Variants in NAALADL2 observed in about 807,000 individuals in gnomAD.
NAALADL2 encodes the protein inactive N-acetylated-alpha-linked acidic dipeptidase-like protein 2.
Under a neutral mutation model 87.2 loss-of-function variants are expected in NAALADL2, and 76 were observed. That is an observed-to-expected ratio of 0.87 (90% CI 0.72 to 1.05). The LOEUF is 1.05. Ranked by LOEUF, NAALADL2 falls within the 50% of genes least tolerant of loss-of-function variation. The probability of loss-of-function intolerance (pLI) is 0.00; values close to 1 mark genes in which losing one functional copy is unlikely to be tolerated. For missense variants in NAALADL2, 1,089 were observed against 945.8 expected (o/e 1.15, Z -1.99); for synonymous variants, 354 against 331.0 (o/e 1.07, Z -0.75).
chr3:175,462,480 A>G (rs10460884), intron 6 of NAALADL2, among the ~76,000 whole-genome samples: 3,922 of 152,250 alleles, frequency 0.026, 81 homozygotes, highest in East Asian at 0.1. Flanking sequence ...TATTATTACA[A>G]TTTCTATCTA....
chr3:174,851,954 T>G (rs571386663), intron 3 of NAALADL2, among the ~76,000 whole-genome samples: 7 of 152,202 alleles, frequency 4.6e-5, no homozygotes, highest in Non-Finnish European at 7.4e-5. Flanking sequence ...ATACATTACT[T>G]TAACAGAATG....
intron 11 of NAALADL2, among the ~76,000 whole-genome samples, chr3:175,685,150 T>C (rs1195717772): frequency 6.6e-6 from 1 of 152,146 alleles, no homozygotes; most frequent in African/African-American, 2.4e-5. Flanking sequence ...ATCCCTCCCA[T>C]AGCTCTGAAG....
At chr3:175,558,476 A>G (rs1462486159) in intron 9 of NAALADL2, among the ~76,000 whole-genome samples, 1 of 151,990 alleles carries the variant, frequency 6.6e-6, no homozygotes, top group Admixed American at 6.6e-5. Flanking sequence ...CTTGTGGTGT[A>G]TTACTCAAGA....
intron 4 of NAALADL2, among the ~76,000 whole-genome samples, chr3:175,299,969 A>G (rs899413669): frequency 2.6e-5 from 4 of 152,154 alleles, no homozygotes; most frequent in African/African-American, 9.7e-5. Flanking sequence ...CCATCAATAC[A>G]TAGTTTAATG....
At chr3:175,723,023 G>A (rs1742448818) in intron 11 of NAALADL2, among the ~76,000 whole-genome samples, 1 of 152,048 alleles carries the variant, frequency 6.6e-6, no homozygotes. Flanking sequence ...GAAGTTTGTG[G>A]GTAGGTGTCC....
intron 5 of NAALADL2, among the ~76,000 whole-genome samples, chr3:175,398,098 T>G (rs889474437): frequency 2.0e-5 from 3 of 152,126 alleles, no homozygotes; most frequent in Non-Finnish European, 4.4e-5. Context: ...AGTGAGAAAG[T>G]TTCTGTTCAT....
At chr3:175,312,561 C>T (rs1202009238) in intron 4 of NAALADL2, among the ~76,000 whole-genome samples, 1 of 151,968 alleles carries the variant, frequency 6.6e-6, no homozygotes, top group Non-Finnish European at 1.5e-5. Flanking sequence ...TATAAATTCA[C>T]CCTTTAGCCA....
chr3:175,174,536 A>C (rs1231354296), intron 2 of NAALADL2, among the ~76,000 whole-genome samples: 3 of 152,088 alleles, frequency 2.0e-5, no homozygotes. Flanking sequence ...ATAAAAAGAA[A>C]TTTTCTTGTA....
intron 3 of NAALADL2, among the ~76,000 whole-genome samples, chr3:175,256,084 T>C (rs988320162): frequency 6.6e-6 from 1 of 152,232 alleles, no homozygotes; most frequent in African/African-American, 2.4e-5. Flanking sequence ...TTTCAATGTT[T>C]TGTAAAATGG....
At chr3:174,656,974 G>A (rs1725004731) in intron 2 of NAALADL2, among the ~76,000 whole-genome samples, 1 of 150,624 alleles carries the variant, frequency 6.6e-6, no homozygotes, top group African/African-American at 2.4e-5. Flanking sequence ...AGAGATAAGG[G>A]CTTCCCTTCT....
At chr3:175,510,469 C>A (rs1333064326) in intron 9 of NAALADL2, among the ~76,000 whole-genome samples, 4 of 152,122 alleles carry the variant, frequency 2.6e-5, no homozygotes, top group Non-Finnish European at 5.9e-5. Flanking sequence ...AGCAATGACA[C>A]CATGATTAGA....
At chr3:175,235,497 A>G (rs901686338) in intron 3 of NAALADL2, 1 of 152,230 alleles carries the variant, frequency 6.6e-6, no homozygotes, top group Non-Finnish European at 1.5e-5. Flanking sequence ...GGCAGGTAAT[A>G]ATGGTAACAC....
intron 2 of NAALADL2, among the ~76,000 whole-genome samples, chr3:174,653,453 G>A (rs1724588135): frequency 6.6e-6 from 1 of 152,210 alleles, no homozygotes; most frequent in South Asian, 2.1e-4. Context: ...TGGAATAAAT[G>A]CAAAGATTTC....
intron 4 of NAALADL2, among the ~76,000 whole-genome samples, chr3:175,275,862 A>T (rs6808211): frequency 0.073 from 11,016 of 150,666 alleles, 1,298 homozygotes; most frequent in African/African-American, 0.25. Flanking sequence ...AATAAGTTTA[A>T]GCTTTATAAT....
At chr3:174,736,295 T>C (rs1287859132) in intron 2 of NAALADL2, among the ~76,000 whole-genome samples, 1 of 152,142 alleles carries the variant, frequency 6.6e-6, no homozygotes, top group Non-Finnish European at 1.5e-5. Flanking sequence ...ACCCCTGCCA[T>C]TCAGTGGGTC....
intron 5 of NAALADL2, among the ~76,000 whole-genome samples, chr3:175,337,244 G>A (rs987437034): frequency 6.6e-6 from 1 of 150,890 alleles, no homozygotes; most frequent in Non-Finnish European, 1.5e-5. Context: ...GTGGTATTAG[G>A]TCTAGGTGGT....
intron 3 of NAALADL2, among the ~76,000 whole-genome samples, chr3:174,742,616 A>G (rs1209154878): frequency 6.6e-6 from 1 of 151,742 alleles, no homozygotes; most frequent in Non-Finnish European, 1.5e-5. Context: ...TTTCTGTTAC[A>G]TAATTGCTCT....
At chr3:175,178,559 A>G (rs889458401) in intron 2 of NAALADL2, among the ~76,000 whole-genome samples, 11 of 152,136 alleles carry the variant, frequency 7.2e-5, no homozygotes, top group African/African-American at 2.6e-4. Flanking sequence ...CTCACAAGAA[A>G]TGTTAATGCT....
intron 9 of NAALADL2, among the ~76,000 whole-genome samples, chr3:175,509,047 C>T (rs183382890): frequency 8.6e-5 from 13 of 151,284 alleles, no homozygotes; most frequent in East Asian, 5.9e-4. Context: ...ACCCAGGAGA[C>T]GGACGTTGTA....
Sources: allele counts gnomAD v4.1 joint callset (sites outside exome capture counted in the v4.1 genomes callset), GRCh38; gene constraint gnomAD v4.1.1; transcripts MANE v1.5; gene names NCBI Gene and HGNC (gene_info 2026-07-23, HGNC 2026-07-21).